SGPL1: variants seen among roughly 807,000 people sequenced by gnomAD.
SGPL1 encodes sphingosine-1-phosphate lyase 1.
SGPL1 carries 37 observed loss-of-function variants against 68.9 expected under a neutral mutation model. That is an observed-to-expected ratio of 0.54 (90% CI 0.41 to 0.71). The LOEUF is 0.71. Among genes scored for constraint, SGPL1 ranks in the 30% least tolerant of loss-of-function variants. The probability of loss-of-function intolerance (pLI) is 0.00; values close to 1 mark genes in which losing one functional copy is unlikely to be tolerated. For missense variants in SGPL1, 551 were observed against 704.6 expected, an observed-to-expected ratio of 0.78 and a Z score of 2.47; for synonymous variants, 236 against 248.5, an observed-to-expected ratio of 0.95 and a Z score of 0.47.
At chr10:70,863,648 T>A (rs1846124749) in intron 7 of SGPL1, among the ~76,000 whole-genome samples, 1 of 152,176 alleles carries the variant, frequency 6.6e-6, no homozygotes, top group Non-Finnish European at 1.5e-5. Flanking sequence ...CCAAATTAAG[T>A]CAAATCCTTA....
intron 4 of SGPL1, among the ~76,000 whole-genome samples, chr10:70,853,276 A>C (rs931495319): frequency 6.6e-6 from 1 of 152,136 alleles, no homozygotes; most frequent in Non-Finnish European, 1.5e-5. Flanking sequence ...CTGTGGTTTC[A>C]CTGAGGGCCA....
chr10:70,844,383 C>G (rs933917450), intron 2 of SGPL1, 90 bp from the exon 3 acceptor site: 94 of 1,219,860 alleles, frequency 7.7e-5, no homozygotes, highest in Non-Finnish European at 1.0e-4. Flanking sequence ...TGACCTTGCC[C>G]TTGAAAAATG....
intron 2 of SGPL1, among the ~76,000 whole-genome samples, chr10:70,832,332 G>A (rs187162914): frequency 1.3e-5 from 2 of 152,256 alleles, no homozygotes; most frequent in Admixed American, 1.3e-4. Flanking sequence ...TAGAGAAATA[G>A]CTTTAGTTAG....
At chr10:70,869,668 A>G (rs1358466290) in intron 8 of SGPL1, 124 bp from the exon 9 acceptor site, 4 of 731,846 alleles carry the variant, frequency 5.5e-6, no homozygotes, top group African/African-American at 1.8e-5. Flanking sequence ...CAGTCTAAAC[A>G]CTTAAATTTT....
At chr10:70,856,017 C>T (rs984902671) in intron 5 of SGPL1, among the ~76,000 whole-genome samples, 1 of 151,968 alleles carries the variant, frequency 6.6e-6, no homozygotes, top group Non-Finnish European at 1.5e-5. Flanking sequence ...TTTTTTGAGA[C>T]AGAGTCTCAC....
In SGPL1 at chr10:70,864,945, C is replaced by T. The variant is rs79852031; in HGVS notation, c.616-3400C>T. Among the ~76,000 whole-genome samples the T allele has an allele frequency of 8.8e-3, 1,340 of 152,294 alleles. 23 individuals carry two copies. Among genetic ancestry groups the T allele is most frequent in the African/African-American group, 0.031 (1,270 of 41,548 alleles). On this transcript the variant is annotated intron_variant, in intron 7 of 14. Coordinates refer to ENST00000373202, the MANE Select transcript of SGPL1 (RefSeq NM_003901.4). Reference sequence around the variant, plus strand: ...TGGAAGAGATAATATACCCTTTGAGCTCTGATTATTTAATTCACTGAAGTC... The same window carrying T: ...TGGAAGAGATAATATACCCTTTGAGTTCTGATTATTTAATTCACTGAAGTC...
At chr10:70,875,580 TGCTCCATGATTTTGGAAGA>T in intron 13 of SGPL1, 32 bp downstream of exon 13, 4 of 1,581,374 alleles carry the variant, frequency 2.5e-6, no homozygotes, top group Non-Finnish European at 2.6e-6. Flanking sequence ...TCCCTTATTT[TGCTCCATGATTTTGGAAGA>T]ACTTGGGTGG....
Position 70,877,376 on chromosome 10 carries a change from G to C in SGPL1, c.*41G>C. The C allele has an allele frequency of 1.9e-6, 3 of 1,609,872 alleles. No individual in the cohort carries two copies. The highest frequency in any genetic ancestry group is 2.6e-6 in the Non-Finnish European group (3 of 1,176,322). ...AGTCTCAAGGGGATTCCAGCCTTCA[G>C]AAGGTTCTTGGGATATGGAACAGGC... is the stretch of plus-strand genomic sequence containing the variant. On this transcript the variant is annotated 3_prime_UTR_variant, in exon 15 of 15. Transcript: ENST00000373202.
intron 4 of SGPL1, among the ~76,000 whole-genome samples, chr10:70,853,196 G>A (rs779270218): frequency 6.6e-6 from 1 of 152,184 alleles, no homozygotes; most frequent in Non-Finnish European, 1.5e-5. Flanking sequence ...GCCCAGGAGT[G>A]TAGCCTCTGC....
chr10:70,859,496 A>T lies in SGPL1; in HGVS notation c.612A>T (p.Gly204=). The T allele has an allele frequency of 6.6e-7, 1 of 1,510,704 alleles. No homozygotes were observed. The highest frequency in any genetic ancestry group is 1.4e-5 in the African/African-American group (1 of 71,260). The allele number at this position is 1,510,704 out of a possible 1,614,324, so 93.6% of individuals were successfully genotyped here. A position where few individuals can be genotyped will look rare whatever the true frequency, so the allele number is the denominator to read the frequency against. ...SLFNGGPDSC[G]CVTSGGTESI... The stretch of plus-strand genomic sequence containing the variant: ...TCAATGGGGGACCAGATTCGTGTGG[A>T]TGTGTAAGTATATGCAAGGGGCATC... Residue 204 remains glycine (G), a synonymous_variant, in exon 7 of 15, where the codon GGA becomes GGT. Transcript: ENST00000373202.
chr10:70,852,729 C>T lies in SGPL1; in HGVS notation c.261+1519C>T, dbSNP rs7090188. 4.8e-3 allele frequency among the ~76,000 whole-genome samples: 544 copies of T among 112,888 alleles called. 3 individuals are homozygous for T. The highest frequency in any genetic ancestry group is 0.015 in the African/African-American group (495 of 32,824). 74.1% of individuals were successfully genotyped at this position (112,888 alleles called of 152,430 possible). On this transcript the variant is annotated intron_variant, in intron 4 of 14. Transcript: ENST00000373202. ...GTATGTGTGTGTGTGTGTGTGTGTGCGCGCGCACGCGTGTGTGTATACCTC... is the reference window on the plus strand; with the variant it reads ...GTATGTGTGTGTGTGTGTGTGTGTGTGCGCGCACGCGTGTGTGTATACCTC...
In SGPL1 at chr10:70,862,221, C is replaced by T. The variant is rs182145589; in HGVS notation, c.615+2722C>T. On this transcript the variant is annotated intron_variant, in intron 7 of 14. Transcript: ENST00000373202. Reference sequence around the variant, plus strand: ...ATCTAGCTCAAGGTTTGTAAACACACCAATCAGCACCCTGTGTCTAGCTCA... The same window carrying T: ...ATCTAGCTCAAGGTTTGTAAACACATCAATCAGCACCCTGTGTCTAGCTCA... Among the ~76,000 whole-genome samples, 905 of 152,318 alleles carry T rather than the reference C, an allele frequency of 5.9e-3. 15 individuals are homozygous for T. The East Asian group carries it at 0.06, about 10-fold the overall frequency.
intron 9 of SGPL1, 22 bp from the exon 10 acceptor site, chr10:70,871,026 C>G: frequency 6.3e-7 from 1 of 1,591,804 alleles, no homozygotes; most frequent in South Asian, 1.1e-5. Context: ...TTCTCATTTT[C>G]CTTTAAACTT....
intron 2 of SGPL1, among the ~76,000 whole-genome samples, chr10:70,843,858 T>C (rs1474953002): frequency 6.6e-6 from 1 of 152,242 alleles, no homozygotes; most frequent in South Asian, 2.1e-4. Flanking sequence ...TGTTAAAGAA[T>C]ATTTTATGAA....
intron 2 of SGPL1, among the ~76,000 whole-genome samples, chr10:70,830,867 A>G (rs1009378107): frequency 7.9e-5 from 12 of 152,210 alleles, no homozygotes. Context: ...TATAAAATGA[A>G]CATATGTTGA....
chr10:70,845,842 T>C (rs900100046), intron 3 of SGPL1, among the ~76,000 whole-genome samples: 1 of 152,200 alleles, frequency 6.6e-6, no homozygotes, highest in Non-Finnish European at 1.5e-5. Flanking sequence ...AGATAATCAT[T>C]AGCTGTTTCT....
chr10:70,850,636 C>A (rs1318481891), intron 3 of SGPL1, among the ~76,000 whole-genome samples: 1 of 151,994 alleles, frequency 6.6e-6, no homozygotes, highest in Non-Finnish European at 1.5e-5. Context: ...TAGAAGCAAC[C>A]TATATATCCA....
At chr10:70,850,608 AT>A (rs764502247) in intron 3 of SGPL1, among the ~76,000 whole-genome samples, 4 of 152,164 alleles carry the variant, frequency 2.6e-5, no homozygotes, top group Non-Finnish European at 5.9e-5. Flanking sequence ...TTTCAGCATG[AT>A]TTGTAATAGC....
intron 14 of SGPL1, among the ~76,000 whole-genome samples, 161 bp downstream of exon 14, chr10:70,876,822 C>G (rs983239282): frequency 1.3e-5 from 2 of 152,178 alleles, no homozygotes; most frequent in African/African-American, 4.8e-5. Flanking sequence ...TCACCCACCC[C>G]TTAGGGTTGC....
Sources: allele counts gnomAD v4.1 joint callset (sites outside exome capture counted in the v4.1 genomes callset), GRCh38; gene constraint gnomAD v4.1.1; transcripts MANE v1.5; gene names NCBI Gene and HGNC (gene_info 2026-07-23, HGNC 2026-07-21).